The following TENM2 variants were observed in gnomAD, a reference collection of about 807,000 sequenced individuals.
TENM2 encodes the protein teneurin-2.
TENM2 carries 52 observed loss-of-function variants against 245.2 expected under a neutral mutation model. That is an observed-to-expected ratio of 0.21 (90% CI 0.17 to 0.27). TENM2 has a LOEUF of 0.27. Among genes scored for constraint, TENM2 ranks in the 10% least tolerant of loss-of-function variants. TENM2 has a pLI of 1.00. For synonymous variants in TENM2, 1,363 were observed against 1,438.9 expected (o/e 0.95, Z 1.19); for missense variants, 3,046 against 3,666.8 (o/e 0.83, Z 4.37).
the TENM2 span, among the ~76,000 whole-genome samples, chr5:167,256,784 A>G: frequency 6.6e-6 from 1 of 152,158 alleles, no homozygotes; most frequent in Non-Finnish European, 1.5e-5. Context: ...GAAAGAAAGA[A>G]GAAATTTAGA....
chr5:167,379,473 T>G (rs1204631343), intron 2 of TENM2, among the ~76,000 whole-genome samples: 1 of 152,170 alleles, frequency 6.6e-6, no homozygotes, highest in Non-Finnish European at 1.5e-5. Flanking sequence ...ACTTAAATTT[T>G]TCTCCTTTCT....
rs1320981200 is a variant in TENM2, at chr5:168,203,186, C to T, written c.3431-503C>T. On this transcript the variant is annotated intron_variant, in intron 17 of 28. Transcript: ENST00000518659. The stretch of plus-strand genomic sequence containing the variant: ...GGCACTTTCTGGAATCCTGAGTGAA[C>T]ACACCAAGTGTCTTAATTTACACAA... 2.0e-5 allele frequency among the ~76,000 whole-genome samples: 3 copies of T among 152,222 alleles called. 1 individual carries two copies. The highest frequency in any genetic ancestry group is 4.8e-5 in the African/African-American group (2 of 41,460).
chr5:167,483,417 A>G (rs186911034), intron 2 of TENM2, among the ~76,000 whole-genome samples: 2 of 152,256 alleles, frequency 1.3e-5, no homozygotes, highest in East Asian at 1.9e-4. Flanking sequence ...AGTTATGTGT[A>G]TTTTCTGTGT....
At chr5:167,706,780 C>T (rs1758555660) in intron 2 of TENM2, among the ~76,000 whole-genome samples, 1 of 151,346 alleles carries the variant, frequency 6.6e-6, no homozygotes, top group Non-Finnish European at 1.5e-5. Flanking sequence ...TTTGGGAGGC[C>T]GAGGCGGGTG....
intron 1 of TENM2, among the ~76,000 whole-genome samples, chr5:167,336,328 G>A (rs1209181609): frequency 2.6e-5 from 4 of 151,562 alleles, no homozygotes; most frequent in Non-Finnish European, 5.9e-5. Flanking sequence ...GCTGCTTGGA[G>A]TGTGTACCAA....
intron 2 of TENM2, among the ~76,000 whole-genome samples, chr5:167,688,427 C>A (rs962311854): frequency 6.6e-6 from 1 of 152,118 alleles, no homozygotes; most frequent in African/African-American, 2.4e-5. Context: ...TAGACTGCAC[C>A]ACAATGGAGA....
At chr5:168,226,312 A>G (rs150562966) in intron 24 of TENM2, 49 bp downstream of exon 26, 151 of 1,563,098 alleles carry the variant, frequency 9.7e-5, no homozygotes, top group Middle Eastern at 5.1e-4. Context: ...CCATAGACCC[A>G]GAACCCAGCC....
the TENM2 span, among the ~76,000 whole-genome samples, chr5:167,143,847 C>G: frequency 1.3e-5 from 2 of 152,172 alleles, no homozygotes; most frequent in African/African-American, 4.8e-5. Context: ...ACATTTCGCA[C>G]TTGCTTTGCT....
chr5:167,042,643 CA>C, the TENM2 span, among the ~76,000 whole-genome samples: 1 of 152,112 alleles, frequency 6.6e-6, no homozygotes, highest in Non-Finnish European at 1.5e-5. Flanking sequence ...ATTTCCTAGC[CA>C]AATGACTGTT....
the TENM2 span, among the ~76,000 whole-genome samples, chr5:166,994,178 AC>A: frequency 6.6e-6 from 1 of 152,168 alleles, no homozygotes; most frequent in African/African-American, 2.4e-5. Context: ...TTCTGTAGCT[AC>A]GTGCAGTTGA....
intron 2 of TENM2, among the ~76,000 whole-genome samples, chr5:167,460,498 G>T (rs976150195): frequency 6.6e-6 from 1 of 152,128 alleles, no homozygotes. Context: ...AAGATGCTGA[G>T]TGTGAAAGAC....
intron 12 of TENM2, among the ~76,000 whole-genome samples, chr5:168,147,441 A>T (rs1332759413): frequency 6.6e-6 from 1 of 152,208 alleles, no homozygotes; most frequent in Non-Finnish European, 1.5e-5. Context: ...GGCCTGTCAG[A>T]AATAAACATT....
intron 14 of TENM2, among the ~76,000 whole-genome samples, chr5:168,193,847 A>G (rs748889043): frequency 1.3e-5 from 2 of 152,256 alleles, no homozygotes; most frequent in African/African-American, 4.8e-5. Flanking sequence ...TTCATAAATT[A>G]GTTTTCCACT....
At chr5:167,306,753 G>C (rs1473823114) in intron 1 of TENM2, 1 of 152,150 alleles carries the variant, frequency 6.6e-6, no homozygotes, top group Admixed American at 6.5e-5. Context: ...ACCATCATTC[G>C]TTTTCCCAAT....
At chr5:168,033,634 A>G (rs1249885389) in intron 5 of TENM2, among the ~76,000 whole-genome samples, 1 of 152,144 alleles carries the variant, frequency 6.6e-6, no homozygotes, top group Admixed American at 6.6e-5. Flanking sequence ...CTTAAACACT[A>G]CTGTGTTCTA....
chr5:167,891,812 TC>T (rs1161045984), intron 3 of TENM2, among the ~76,000 whole-genome samples: 1 of 152,144 alleles, frequency 6.6e-6, no homozygotes, highest in African/African-American at 2.4e-5. Flanking sequence ...GTCCTTGGCT[TC>T]CTTCTGGCAT....
At chr5:167,521,043 G>T (rs1021743982) in intron 2 of TENM2, among the ~76,000 whole-genome samples, 1 of 151,158 alleles carries the variant, frequency 6.6e-6, no homozygotes, top group African/African-American at 2.4e-5. Flanking sequence ...TAATAGATGG[G>T]TCATAGAGCC....
chr5:167,612,210 C>T (rs1777521133), intron 2 of TENM2, among the ~76,000 whole-genome samples: 1 of 152,040 alleles, frequency 6.6e-6, no homozygotes, highest in Non-Finnish European at 1.5e-5. Flanking sequence ...ACAATGTGTC[C>T]TAAATAGAGC....
intron 3 of TENM2, among the ~76,000 whole-genome samples, chr5:167,877,023 G>A (rs918052779): frequency 2.0e-5 from 3 of 152,294 alleles, no homozygotes; most frequent in Admixed American, 6.5e-5. Flanking sequence ...ACATCTGAAC[G>A]TAGGAACGGG....
Sources: gnomAD v4.1 joint callset for allele counts (sites outside exome capture counted in the v4.1 genomes callset) on GRCh38, gnomAD v4.1.1 for gene constraint, MANE v1.5 for transcripts, NCBI Gene and HGNC (gene_info 2026-07-23, HGNC 2026-07-21) for gene names.